PPM1L: variants seen among roughly 807,000 people sequenced by gnomAD.
PPM1L encodes protein phosphatase, Mg2+/Mn2+ dependent 1L.
In PPM1L, 13 loss-of-function variants were observed where a neutral mutation model predicts 31.4. The ratio of observed to expected loss-of-function variants is 0.41; its 90% CI spans 0.27 to 0.66. PPM1L has a LOEUF of 0.66. Among genes scored for constraint, PPM1L ranks in the 30% least tolerant of loss-of-function variants. The pLI is 0.29. For missense variants in PPM1L, 326 were observed against 453.7 expected (o/e 0.72, Z 2.56); for synonymous variants, 184 against 175.4 (o/e 1.05, Z -0.39).
At chr3:160,883,681 G>A (rs565568667) in intron 1 of PPM1L, among the ~76,000 whole-genome samples, 1 of 151,864 alleles carries the variant, frequency 6.6e-6, no homozygotes, top group Non-Finnish European at 1.5e-5. Flanking sequence ...GACATGGGGC[G>A]AGGGAGAAAG....
intron 2 of PPM1L, among the ~76,000 whole-genome samples, chr3:161,056,704 C>G (rs1719422349): frequency 6.6e-6 from 1 of 152,014 alleles, no homozygotes; most frequent in Non-Finnish European, 1.5e-5. Flanking sequence ...TCTTTCGCTC[C>G]TACCCCAATC....
intron 1 of PPM1L, among the ~76,000 whole-genome samples, chr3:160,943,555 T>C (rs1349880907): frequency 6.6e-6 from 1 of 152,194 alleles, no homozygotes; most frequent in Non-Finnish European, 1.5e-5. Flanking sequence ...ATTGAAGAAC[T>C]GGAAAGGATT....
At chr3:160,975,886 C>T (rs1163011956) in intron 2 of PPM1L, among the ~76,000 whole-genome samples, 4 of 146,198 alleles carry the variant, frequency 2.7e-5, no homozygotes. Context: ...GCCTAATTGC[C>T]CTGGCCAGAA....
chr3:160,866,945 A>G (rs1157502784), intron 1 of PPM1L, among the ~76,000 whole-genome samples: 2 of 152,152 alleles, frequency 1.3e-5, no homozygotes, highest in Non-Finnish European at 2.9e-5. Flanking sequence ...CCTGGTCTCA[A>G]GCAATTCTAC....
chr3:160,976,992 C>G (rs1351322739), intron 2 of PPM1L, among the ~76,000 whole-genome samples: 1 of 152,068 alleles, frequency 6.6e-6, no homozygotes, highest in Non-Finnish European at 1.5e-5. Flanking sequence ...ATCTTTCCTG[C>G]TTTCTGTTGT....
At chr3:160,965,063 A>G (rs1341134917) in intron 2 of PPM1L, among the ~76,000 whole-genome samples, 3 of 151,932 alleles carry the variant, frequency 2.0e-5, no homozygotes, top group Non-Finnish European at 2.9e-5. Context: ...CATACTGGCT[A>G]ACATGGTGAA....
chr3:160,776,982 G>A (rs114827303), intron 1 of PPM1L, among the ~76,000 whole-genome samples: 2,526 of 152,104 alleles, frequency 0.017, 68 homozygotes, highest in African/African-American at 0.057. Flanking sequence ...TAATACTATG[G>A]AGGGTCTTTG....
chr3:160,814,263 C>A (rs892634795), intron 1 of PPM1L, among the ~76,000 whole-genome samples: 1 of 152,120 alleles, frequency 6.6e-6, no homozygotes, highest in Non-Finnish European at 1.5e-5. Context: ...GTAGATACTG[C>A]CCCGGATCAG....
chr3:160,866,018 C>A (rs923263833), intron 1 of PPM1L, among the ~76,000 whole-genome samples: 2 of 152,122 alleles, frequency 1.3e-5, no homozygotes, highest in African/African-American at 2.4e-5. Context: ...GTGTATCTGT[C>A]AAAGATCAAA....
intron 2 of PPM1L, among the ~76,000 whole-genome samples, chr3:161,037,599 T>G (rs1253471092): frequency 6.8e-6 from 1 of 148,146 alleles, no homozygotes; most frequent in Non-Finnish European, 1.5e-5. Flanking sequence ...TTTTTTTTTT[T>G]TTTGGTATTT....
Position 160,756,659 on chromosome 3 carries a change from C to G in PPM1L, c.351C>G (p.Asn117Lys). Reference protein sequence around the residue: ...DRFEVLTDLANKTHPSIFGIF... With the variant: ...DRFEVLTDLAKKTHPSIFGIF... Reference sequence around the variant, plus strand: ...TCGAAGTTCTCACGGATCTGGCCAACAAGACGCACCCGTCCATCTTCGGGA... The same window carrying G: ...TCGAAGTTCTCACGGATCTGGCCAAGAAGACGCACCCGTCCATCTTCGGGA... Residue 117 changes from asparagine to lysine, a missense_variant, in exon 1 of 4, where the codon AAC becomes AAG. Transcript: ENST00000498165. The surrounding 1 kb of genome is among the most constrained non-coding windows in gnomAD (Gnocchi z 6.2). 6.2e-7 allele frequency: 1 copy of G among 1,614,028 alleles called. No homozygotes were observed. The highest frequency in any genetic ancestry group is 8.5e-7 in the Non-Finnish European group (1 of 1,180,018).
At chr3:160,882,486 T>C (rs568353519) in intron 1 of PPM1L, among the ~76,000 whole-genome samples, 1 of 152,350 alleles carries the variant, frequency 6.6e-6, no homozygotes, top group East Asian at 1.9e-4. Flanking sequence ...TTGAGTAGGT[T>C]CTACAATCAT....
At chr3:160,946,347 A>G (rs1715410696) in intron 1 of PPM1L, among the ~76,000 whole-genome samples, 1 of 152,182 alleles carries the variant, frequency 6.6e-6, no homozygotes, top group Non-Finnish European at 1.5e-5. Flanking sequence ...AAATGAAGTA[A>G]TTAATATAAA....
At chr3:160,898,717 A>C (rs900310976) in intron 1 of PPM1L, among the ~76,000 whole-genome samples, 1 of 152,206 alleles carries the variant, frequency 6.6e-6, no homozygotes, top group Non-Finnish European at 1.5e-5. Context: ...GCAGACATTC[A>C]TGAAGACCTA....
chr3:160,970,787 A>ATTCTTTTTTTTTTTTT lies in PPM1L; in HGVS notation c.574+8879_574+8880insCTTTTTTTTTTTTTTT, dbSNP rs1360956984. On this transcript the variant is annotated intron_variant, in intron 2 of 3. Transcript: ENST00000498165. ...CAAGCTGATTTTAATTTCAGTTATAATTTTTTTTTTTTTTTTTTTTTTGAG... is the reference window on the plus strand; with the variant it reads ...CAAGCTGATTTTAATTTCAGTTATAATTCTTTTTTTTTTTTTTTTTTTTTTTTTTTTTTTTTTTGAG... Among the ~76,000 whole-genome samples, 25 of 97,186 alleles carry ATTCTTTTTTTTTTTTT rather than the reference A, an allele frequency of 2.6e-4. 3 individuals are homozygous for ATTCTTTTTTTTTTTTT. The highest frequency in any genetic ancestry group is 9.8e-4 in the African/African-American group (22 of 22,378). 63.8% of individuals were successfully genotyped at this position (97,186 alleles called of 152,430 possible). A position where few individuals can be genotyped will look rare whatever the true frequency, so the allele number is the denominator to read the frequency against.
At chr3:160,833,382 T>C (rs1713579251) in intron 1 of PPM1L, among the ~76,000 whole-genome samples, 1 of 152,222 alleles carries the variant, frequency 6.6e-6, no homozygotes, top group Non-Finnish European at 1.5e-5. Context: ...TTGAACTAAT[T>C]TACATTCCCA....
At chr3:160,828,747 G>T (rs1299985240) in intron 1 of PPM1L, among the ~76,000 whole-genome samples, 2 of 151,948 alleles carry the variant, frequency 1.3e-5, no homozygotes, top group Non-Finnish European at 2.9e-5. Flanking sequence ...TCCATAACCT[G>T]CTCAGACCTC....
intron 1 of PPM1L, among the ~76,000 whole-genome samples, chr3:160,779,420 G>A (rs777497566): frequency 1.3e-5 from 2 of 152,144 alleles, no homozygotes; most frequent in African/African-American, 2.4e-5. Context: ...TCTTTGCTAG[G>A]GGGATAATAT....
At chr3:160,878,903 T>C (rs1161789913) in intron 1 of PPM1L, among the ~76,000 whole-genome samples, 1 of 152,230 alleles carries the variant, frequency 6.6e-6, no homozygotes, top group Non-Finnish European at 1.5e-5. Flanking sequence ...TATTTATGCC[T>C]GATTGAAGAA....
Sources: gnomAD v4.1 joint callset for allele counts (sites outside exome capture counted in the v4.1 genomes callset) on GRCh38, gnomAD v4.1.1 for gene constraint, Gnocchi (gnomAD v3.1) non-coding constraint, MANE v1.5 for transcripts, NCBI Gene and HGNC (gene_info 2026-07-23, HGNC 2026-07-21) for gene names.